EYS: variants seen among roughly 807,000 people sequenced by gnomAD.
EYS encodes the protein protein eyes shut homolog.
A neutral mutation model predicts 282.1 loss-of-function variants in EYS; 250 were observed. The observed-to-expected ratio is 0.89, with a 90% CI of 0.80 to 0.98. The LOEUF (loss-of-function observed/expected upper bound fraction) is 0.98, where lower values mean the gene tolerates loss of function less well. Among genes scored for constraint, EYS ranks in the 50% least tolerant of loss-of-function variants. The probability of loss-of-function intolerance (pLI) is 0.00; values close to 1 mark genes in which losing one functional copy is unlikely to be tolerated. For synonymous variants in EYS, 1,355 were observed against 1,282.9 expected, an observed-to-expected ratio of 1.06 and a Z score of -1.20; for missense variants, 4,016 against 3,709.0, an observed-to-expected ratio of 1.08 and a Z score of -2.15.
chr6:64,834,297 AC>A (rs1765315605), intron 19 of EYS, among the ~76,000 whole-genome samples: 1 of 151,824 alleles, frequency 6.6e-6, no homozygotes, highest in Non-Finnish European at 1.5e-5. Context: ...TGTTAGCACA[AC>A]CCCTTCTGTG....
chr6:65,468,154 C>G (rs930447736), intron 5 of EYS, among the ~76,000 whole-genome samples: 1 of 152,076 alleles, frequency 6.6e-6, no homozygotes, highest in Non-Finnish European at 1.5e-5. Context: ...GGGAAAGTAA[C>G]AAAAAGCTGT....
intron 26 of EYS, among the ~76,000 whole-genome samples, chr6:64,507,554 C>T (rs1303230043): frequency 6.6e-6 from 1 of 152,108 alleles, no homozygotes. Context: ...TTTCAAATGA[C>T]AACCATAATA....
At chr6:64,938,897 T>C (rs917151648) in intron 15 of EYS, among the ~76,000 whole-genome samples, 1 of 151,712 alleles carries the variant, frequency 6.6e-6, no homozygotes, top group Non-Finnish European at 1.5e-5. Context: ...TTTTCAGACA[T>C]CCACTGGGGG....
intron 2 of EYS, among the ~76,000 whole-genome samples, chr6:65,514,453 T>C (rs1767038004): frequency 6.6e-6 from 1 of 152,168 alleles, no homozygotes; most frequent in Admixed American, 6.5e-5. Context: ...AAAGTTCATA[T>C]GGAACCAAAA....
chr6:64,071,390 C>T (rs936959420), intron 32 of EYS, among the ~76,000 whole-genome samples: 3 of 151,816 alleles, frequency 2.0e-5, no homozygotes, highest in Non-Finnish European at 4.4e-5. Flanking sequence ...GAAATTATTA[C>T]CCCATGGGGA....
intron 12 of EYS, among the ~76,000 whole-genome samples, chr6:65,154,101 C>T (rs1332257214): frequency 5.9e-5 from 9 of 151,686 alleles, no homozygotes; most frequent in Non-Finnish European, 1.3e-4. Flanking sequence ...TTTAAGCTCT[C>T]GGAAAAGAGG....
At position 65,333,748 on chromosome 6, in the gene EYS, C is replaced by T. The variant is rs1769880714; in HGVS notation, c.1766+1232G>A. 3.3e-5 allele frequency among the ~76,000 whole-genome samples: 5 copies of T among 151,524 alleles called. No individual in the cohort carries two copies. The Admixed American group carries it at 3.3e-4, about 10-fold the overall frequency. ...GTATATACATATATATATACACACA[C>T]ATATATGTTTGTAATCACTACCTTT... On this transcript the variant is annotated intron_variant, in intron 11 of 42. Transcript: ENST00000503581.
chr6:64,896,480 C>T (rs1583271671), intron 18 of EYS, among the ~76,000 whole-genome samples: 1 of 152,004 alleles, frequency 6.6e-6, no homozygotes, highest in Non-Finnish European at 1.5e-5. Flanking sequence ...CACAAGGGCA[C>T]TGGGTTTCAA....
At chr6:65,129,481 C>G (rs1315637970) in intron 12 of EYS, among the ~76,000 whole-genome samples, 1 of 151,836 alleles carries the variant, frequency 6.6e-6, no homozygotes, top group Admixed American at 6.6e-5. Context: ...AATCAAATAA[C>G]CCCATTAAAA....
At chr6:65,469,620 T>C (rs1336752844) in intron 5 of EYS, among the ~76,000 whole-genome samples, 1 of 152,128 alleles carries the variant, frequency 6.6e-6, no homozygotes, top group Admixed American at 6.5e-5. Context: ...TTCTTCTCTG[T>C]ATTTTTTATT....
intron 12 of EYS, among the ~76,000 whole-genome samples, chr6:65,240,705 T>C (rs887204071): frequency 6.6e-6 from 1 of 152,176 alleles, no homozygotes. Flanking sequence ...CTAGGTTGAT[T>C]CTATGTATTT....
At chr6:65,681,291 T>C (rs1477406663) in intron 1 of EYS, among the ~76,000 whole-genome samples, 1 of 151,864 alleles carries the variant, frequency 6.6e-6, no homozygotes, top group African/African-American at 2.4e-5. Flanking sequence ...CTGTGGGGGC[T>C]AACAGCTATC....
chr6:63,847,547 C>T (rs1772131707), intron 36 of EYS, among the ~76,000 whole-genome samples: 1 of 152,074 alleles, frequency 6.6e-6, no homozygotes, highest in Non-Finnish European at 1.5e-5. Context: ...TATACATAAG[C>T]CAAGAGATTA....
chr6:65,438,107 T>C (rs1031184436), intron 5 of EYS, among the ~76,000 whole-genome samples: 13 of 150,548 alleles, frequency 8.6e-5, no homozygotes, highest in Non-Finnish European at 3.0e-5. Context: ...ACATGTAGTG[T>C]TTGGTTTTTT....
At chr6:63,863,412 G>A (rs17395644) in intron 36 of EYS, among the ~76,000 whole-genome samples, 4,097 of 151,990 alleles carry the variant, frequency 0.027, 63 homozygotes, top group South Asian at 0.036. Context: ...TTATGATTTA[G>A]TTTCTTGATA....
chr6:65,488,728 A>C (rs1450902576), intron 5 of EYS, among the ~76,000 whole-genome samples: 1 of 152,184 alleles, frequency 6.6e-6, no homozygotes, highest in Non-Finnish European at 1.5e-5. Flanking sequence ...TTCAAATTTT[A>C]CTACAAGGCT....
intron 1 of EYS, among the ~76,000 whole-genome samples, chr6:65,658,149 C>T (rs1767890480): frequency 6.6e-6 from 1 of 151,548 alleles, no homozygotes; most frequent in Non-Finnish European, 1.5e-5. Flanking sequence ...ATTGAGGTTG[C>T]CTGGAACTGA....
chr6:65,617,507 A>C (rs959222280), intron 2 of EYS, among the ~76,000 whole-genome samples: 40 of 151,982 alleles, frequency 2.6e-4, no homozygotes, highest in Non-Finnish European at 5.3e-4. Context: ...AATTATATAA[A>C]ATTAGCAAAA....
intron 12 of EYS, among the ~76,000 whole-genome samples, chr6:65,076,225 AT>A (rs1321246033): frequency 6.6e-6 from 1 of 152,026 alleles, no homozygotes; most frequent in Non-Finnish European, 1.5e-5. Flanking sequence ...TTATTGTGGC[AT>A]TTTAAGAATC....
Sources: allele counts gnomAD v4.1 joint callset (sites outside exome capture counted in the v4.1 genomes callset), GRCh38; gene constraint gnomAD v4.1.1; transcripts MANE v1.5; gene names NCBI Gene and HGNC (gene_info 2026-07-23, HGNC 2026-07-21).